Variants in SPAG16 observed in about 807,000 individuals in gnomAD.
The protein encoded by SPAG16 is sperm associated antigen 16.
In SPAG16, 86 loss-of-function variants were observed where a neutral mutation model predicts 80.4. The ratio of observed to expected loss-of-function variants is 1.07; its 90% CI spans 0.90 to 1.28. SPAG16 has a LOEUF of 1.28. Among genes scored for constraint, SPAG16 ranks in the 50% most tolerant of loss-of-function variants. The pLI, the probability that SPAG16 is intolerant of heterozygous loss-of-function variation, is 0.00. For synonymous variants in SPAG16, 294 were observed against 265.9 expected (o/e 1.11, Z -1.03); for missense variants, 870 against 765.3 (o/e 1.14, Z -1.61).
intron 10 of SPAG16, among the ~76,000 whole-genome samples, chr2:213,803,646 C>A (rs1484519462): frequency 6.6e-6 from 1 of 152,206 alleles, no homozygotes; most frequent in African/African-American, 2.4e-5. Flanking sequence ...TAGGTTCTTA[C>A]CTCCAATTTT....
intron 15 of SPAG16, among the ~76,000 whole-genome samples, chr2:214,381,252 T>A (rs1441191243): frequency 6.6e-6 from 1 of 152,192 alleles, no homozygotes; most frequent in Non-Finnish European, 1.5e-5. Context: ...AGAAAACACA[T>A]GCTAAAGCTA....
intron 9 of SPAG16, among the ~76,000 whole-genome samples, chr2:213,443,754 G>A (rs989877301): frequency 6.6e-6 from 1 of 152,146 alleles, no homozygotes; most frequent in Admixed American, 6.5e-5. Flanking sequence ...CATGAGAAGT[G>A]TGAAGCAATG....
intron 13 of SPAG16, among the ~76,000 whole-genome samples, chr2:214,036,875 T>C (rs1019369282): frequency 2.6e-5 from 4 of 152,140 alleles, no homozygotes; most frequent in African/African-American, 9.7e-5. Flanking sequence ...CAAAATATTA[T>C]TTATTTAAAG....
At chr2:213,616,083 C>A (rs373697603) in intron 10 of SPAG16, among the ~76,000 whole-genome samples, 1 of 152,222 alleles carries the variant, frequency 6.6e-6, no homozygotes, top group East Asian at 1.9e-4. Context: ...GAAATTAATC[C>A]ATTTTACCGA....
chr2:213,461,032 C>T (rs552119815), intron 9 of SPAG16, among the ~76,000 whole-genome samples: 14 of 152,068 alleles, frequency 9.2e-5, no homozygotes, highest in African/African-American at 2.9e-4. Flanking sequence ...ATCTGTTCCA[C>T]GAATGAAACA....
At chr2:213,804,095 G>A (rs1030287408) in intron 10 of SPAG16, among the ~76,000 whole-genome samples, 1 of 152,078 alleles carries the variant, frequency 6.6e-6, no homozygotes, top group Non-Finnish European at 1.5e-5. Flanking sequence ...GTTTATTGAT[G>A]ACCTATTATA....
chr2:213,358,963 G>A (rs544955647), intron 7 of SPAG16, among the ~76,000 whole-genome samples: 1 of 152,130 alleles, frequency 6.6e-6, no homozygotes, highest in South Asian at 2.1e-4. Context: ...TCCTTTTTTT[G>A]AAGTTTATGC....
intron 10 of SPAG16, among the ~76,000 whole-genome samples, chr2:213,834,619 T>A (rs2073976164): frequency 6.6e-6 from 1 of 152,130 alleles, no homozygotes; most frequent in Non-Finnish European, 1.5e-5. Context: ...AGGGGAGTTC[T>A]AGTTTCTATG....
chr2:213,491,397 C>CA (rs1360001157), intron 10 of SPAG16, among the ~76,000 whole-genome samples: 2 of 152,172 alleles, frequency 1.3e-5, no homozygotes, highest in African/African-American at 4.8e-5. Context: ...ATGATCTCCC[C>CA]ACCTTTTTGT....
At chr2:213,541,740 G>T (rs2076454438) in intron 10 of SPAG16, among the ~76,000 whole-genome samples, 1 of 152,168 alleles carries the variant, frequency 6.6e-6, no homozygotes, top group Admixed American at 6.5e-5. Flanking sequence ...TCGACACACA[G>T]CTGAAAAGAA....
intron 15 of SPAG16, among the ~76,000 whole-genome samples, chr2:214,286,449 A>G (rs1015527732): frequency 4.0e-5 from 6 of 151,656 alleles, no homozygotes; most frequent in African/African-American, 1.5e-4. Context: ...TAAATAGTGT[A>G]TAAAAAAATA....
At chr2:213,657,745 T>A (rs1328706078) in intron 10 of SPAG16, among the ~76,000 whole-genome samples, 1 of 152,164 alleles carries the variant, frequency 6.6e-6, no homozygotes, top group African/African-American at 2.4e-5. Flanking sequence ...AAGTTCCCCT[T>A]TTTAATGGTT....
chr2:213,306,225 T>A (rs2062932586), intron 3 of SPAG16, among the ~76,000 whole-genome samples: 1 of 151,092 alleles, frequency 6.6e-6, no homozygotes. Context: ...GAGTCTACTT[T>A]AAAAAAATTT....
At chr2:214,258,237 AC>A (rs1186318346) in intron 15 of SPAG16, among the ~76,000 whole-genome samples, 1 of 149,490 alleles carries the variant, frequency 6.7e-6, no homozygotes, top group Non-Finnish European at 1.5e-5. Context: ...TTTATTCCTC[AC>A]CCCCCTCCCA....
At chr2:213,984,223 G>A (rs1370871426) in intron 12 of SPAG16, among the ~76,000 whole-genome samples, 3 of 152,042 alleles carry the variant, frequency 2.0e-5, no homozygotes, top group East Asian at 3.9e-4. Flanking sequence ...TATTATGGAG[G>A]TTCTTCTTAA....
At chr2:213,980,725 T>TATATATATATATACAGAG (rs374274176) in intron 12 of SPAG16, among the ~76,000 whole-genome samples, 1 of 104,028 alleles carries the variant, frequency 9.6e-6, no homozygotes, top group African/African-American at 5.0e-5. Flanking sequence ...TATATATATA[T>TATATATATATATACAGAG]AGAGAGAGAG....
At chr2:213,721,885 C>A (rs1279295981) in intron 10 of SPAG16, among the ~76,000 whole-genome samples, 2 of 152,168 alleles carry the variant, frequency 1.3e-5, no homozygotes, top group South Asian at 4.1e-4. Flanking sequence ...CAACTGGAAG[C>A]TTTTAATAAA....
chr2:213,595,611 C>G (rs2060859918), intron 10 of SPAG16, among the ~76,000 whole-genome samples: 1 of 151,956 alleles, frequency 6.6e-6, no homozygotes. Context: ...TCTTTGCGTA[C>G]CACCTATAAT....
Position 213,426,829 on chromosome 2 carries a change from T to TAATA in SPAG16, c.942+51710_942+51711insAATA, listed in dbSNP as rs1429321927. On this transcript the variant is annotated intron_variant, in intron 9 of 15. Transcript: ENST00000331683. Reference sequence around the variant, plus strand: ...GATGAACTTTTTCAAAAGATTATTCTGATACATACACACACACACACACAC... The same window carrying TAATA: ...GATGAACTTTTTCAAAAGATTATTCTAATAGATACATACACACACACACACACAC... 8.6e-3 allele frequency among the ~76,000 whole-genome samples: 775 copies of TAATA among 90,022 alleles called. 18 individuals carry two copies. The highest frequency in any genetic ancestry group is 0.028 in the African/African-American group (742 of 26,882). The allele number at this position is 90,022 out of a possible 152,430, so 59.1% of individuals were successfully genotyped here.
Sources: allele counts gnomAD v4.1 joint callset (sites outside exome capture counted in the v4.1 genomes callset), GRCh38; gene constraint gnomAD v4.1.1; transcripts MANE v1.5; gene names NCBI Gene and HGNC (gene_info 2026-07-23, HGNC 2026-07-21).